PTGER3: variants seen among roughly 807,000 people sequenced by gnomAD.
The protein encoded by PTGER3 is prostaglandin E2 receptor EP3 subtype.
PTGER3 carries 22 observed loss-of-function variants against 34.7 expected under a neutral mutation model. That is an observed-to-expected ratio of 0.63 (90% CI 0.45 to 0.91). The LOEUF is 0.91. Among genes scored for constraint, PTGER3 ranks in the 40% least tolerant of loss-of-function variants. The pLI is 0.00. For missense variants in PTGER3, 468 were observed against 519.4 expected (o/e 0.90, Z 0.96); for synonymous variants, 241 against 230.1 (o/e 1.05, Z -0.43).
At chr1:70,908,317 T>C (rs989258925) in intron 4 of PTGER3, among the ~76,000 whole-genome samples, 2 of 152,218 alleles carry the variant, frequency 1.3e-5, no homozygotes, top group African/African-American at 4.8e-5. Context: ...TGCCAGAACC[T>C]GAGGCAGAGA....
chr1:70,937,939 G>A (rs1050332403), intron 4 of PTGER3, among the ~76,000 whole-genome samples: 2 of 152,152 alleles, frequency 1.3e-5, no homozygotes, highest in Non-Finnish European at 2.9e-5. Context: ...ATGGGTAAGA[G>A]TTAGTTCTTA....
At chr1:70,923,498 G>C (rs2225026) in intron 4 of PTGER3, among the ~76,000 whole-genome samples, 98,707 of 151,964 alleles carry the variant, frequency 0.65, 32,214 homozygotes, top group East Asian at 0.78. Context: ...TTCTTAAATG[G>C]AGGTTTCTGA....
chr1:70,993,126 T>TGAA (rs1655618812), intron 2 of PTGER3, among the ~76,000 whole-genome samples: 1 of 152,224 alleles, frequency 6.6e-6, no homozygotes, highest in Non-Finnish European at 1.5e-5. Context: ...CTTCCAGATA[T>TGAA]TCTCTTATGA....
chr1:70,949,887 T>G (rs1254014610), downstream of PTGER3, among the ~76,000 whole-genome samples: 1 of 152,102 alleles, frequency 6.6e-6, no homozygotes, highest in Non-Finnish European at 1.5e-5. Flanking sequence ...TTGCTGGGGA[T>G]TAGACACTGG....
chr1:70,903,928 G>A (rs1199966586), intron 4 of PTGER3, among the ~76,000 whole-genome samples: 1 of 152,130 alleles, frequency 6.6e-6, no homozygotes, highest in Non-Finnish European at 1.5e-5. Flanking sequence ...TTAGATGAGT[G>A]ATGTGGTTTT....
intron 2 of PTGER3, chr1:71,009,006 T>G: frequency 1.0e-6 from 1 of 984,158 alleles, no homozygotes; most frequent in Non-Finnish European, 1.2e-6. Flanking sequence ...TTTTCTATTT[T>G]CTTTTTCTGA....
chr1:70,961,956 T>C (rs970425772), intron 2 of PTGER3, among the ~76,000 whole-genome samples: 4 of 152,216 alleles, frequency 2.6e-5, no homozygotes, highest in African/African-American at 7.2e-5. Context: ...ACCCTGTAAA[T>C]GGCTTTCTTT....
intron 4 of PTGER3, among the ~76,000 whole-genome samples, chr1:70,882,758 G>A (rs116537800): frequency 3.3e-3 from 504 of 152,198 alleles, no homozygotes; most frequent in African/African-American, 0.012. Flanking sequence ...GCTCTCACTC[G>A]CTCACCCTTT....
In PTGER3 at chr1:70,952,949, GCTGCTCAC is replaced by G; in HGVS notation, c.1207_1214del (p.Val403HisfsTer2). On this transcript the variant is annotated frameshift_variant, in exon 4 of 4. Coordinates refer to the PTGER3 transcript ENST00000356595. LOFTEE classifies it low-confidence loss of function (END_TRUNC). ...TTGAGATTCTGGTGTACACATTAAT[GCTGCTCAC>G]GAGTACCTCCATTTCTTCTCTGTTC... is the stretch of plus-strand genomic sequence containing the variant. 6.2e-7 allele frequency: 1 copy of G among 1,612,974 alleles called. No individual in the cohort carries two copies. Among genetic ancestry groups the G allele is most frequent in the Non-Finnish European group, 8.5e-7 (1 of 1,179,300 alleles).
intron 4 of PTGER3, among the ~76,000 whole-genome samples, chr1:70,881,899 G>A (rs1389393407): frequency 6.6e-6 from 1 of 152,242 alleles, no homozygotes; most frequent in Non-Finnish European, 1.5e-5. Flanking sequence ...CCACTGAGCT[G>A]GAAGCTCTAG....
At chr1:70,893,966 G>A (rs1051748875) in intron 4 of PTGER3, among the ~76,000 whole-genome samples, 3 of 152,088 alleles carry the variant, frequency 2.0e-5, no homozygotes, top group Non-Finnish European at 2.9e-5. Flanking sequence ...ATTATTAAAT[G>A]TTAAGAACCA....
At chr1:70,908,433 C>T (rs908067350) in intron 4 of PTGER3, among the ~76,000 whole-genome samples, 55 of 152,174 alleles carry the variant, frequency 3.6e-4, no homozygotes, top group Admixed American at 3.1e-3. Context: ...AGCTCCTTCT[C>T]CCCTGGAGCA....
intron 2 of PTGER3, among the ~76,000 whole-genome samples, chr1:70,990,793 TTAAC>T (rs1319851759): frequency 6.6e-6 from 1 of 152,036 alleles, no homozygotes. Flanking sequence ...ACTAAAATAT[TTAAC>T]TAACTGATAT....
At chr1:70,887,967 T>C (rs917703750) in intron 4 of PTGER3, among the ~76,000 whole-genome samples, 12 of 152,218 alleles carry the variant, frequency 7.9e-5, no homozygotes, top group Non-Finnish European at 1.5e-5. Context: ...TATGTGTTTG[T>C]TCCTGACCAG....
chr1:70,916,421 A>G (rs1647176264), intron 4 of PTGER3, among the ~76,000 whole-genome samples: 1 of 152,252 alleles, frequency 6.6e-6, no homozygotes, highest in Non-Finnish European at 1.5e-5. Flanking sequence ...CCAAAAAGAC[A>G]TATGCACTCA....
intron 4 of PTGER3, among the ~76,000 whole-genome samples, chr1:70,876,261 C>T (rs889848346): frequency 1.3e-5 from 2 of 150,090 alleles, no homozygotes. Flanking sequence ...CTGTTCATGT[C>T]CATGCCTACT....
chr1:71,045,741 G>C (rs1660715903), intron 1 of PTGER3, among the ~76,000 whole-genome samples: 1 of 152,016 alleles, frequency 6.6e-6, no homozygotes, highest in Non-Finnish European at 1.5e-5. Context: ...GTGCTACAAG[G>C]GTAAGTAAAT....
intron 1 of PTGER3, among the ~76,000 whole-genome samples, chr1:71,033,735 C>T (rs1366765398): frequency 1.3e-5 from 2 of 151,964 alleles, no homozygotes; most frequent in African/African-American, 2.4e-5. Context: ...CAAGTTTCTC[C>T]AGGAAATCGT....
At chr1:71,008,647 T>C (rs1232651595) in intron 2 of PTGER3, 4 of 983,984 alleles carry the variant, frequency 4.1e-6, no homozygotes, top group Admixed American at 6.2e-5. Flanking sequence ...GTCAGCACTT[T>C]GTTGCAACTC....
Sources: allele counts gnomAD v4.1 joint callset (sites outside exome capture counted in the v4.1 genomes callset), GRCh38; gene constraint gnomAD v4.1.1; transcripts MANE v1.5; gene names NCBI Gene and HGNC (gene_info 2026-07-23, HGNC 2026-07-21).